Variants in IP6K1 observed in about 807,000 individuals in gnomAD.
IP6K1 encodes inositol hexakisphosphate kinase 1.
In IP6K1, 13 loss-of-function variants were observed where a neutral mutation model predicts 38.3. That is an observed-to-expected ratio of 0.34 (90% CI 0.22 to 0.54). The LOEUF (loss-of-function observed/expected upper bound fraction) is 0.54. IP6K1 is among the 20% of genes least tolerant of loss of function. The pLI is 0.92. For synonymous variants in IP6K1, 212 were observed against 229.9 expected (o/e 0.92, Z 0.70); for missense variants, 397 against 599.8 (o/e 0.66, Z 3.53).
chr3:49,724,502 G>A lies in IP6K1; in HGVS notation c.*2620C>T, dbSNP rs2080478241. 1 of 152,302 alleles carries A rather than the reference G, an allele frequency of 6.6e-6. No individual in the cohort carries two copies. The highest frequency in any genetic ancestry group is 1.5e-5 in the Non-Finnish European group (1 of 68,072). The allele number at this position is 152,302 out of a possible 1,614,324, so 9.4% of individuals were successfully genotyped here. On this transcript the variant is annotated 3_prime_UTR_variant, in exon 6 of 6. Coordinates refer to ENST00000321599, the MANE Select transcript of IP6K1 (RefSeq NM_153273.4). ...AGCTTCCAGGAAAGAGCAGCAGAGA[G>A]CGATTCCCAGAACGCGAGGGCTTAC...
intron 1 of IP6K1, chr3:49,785,391 A>C (rs1237944986): frequency 6.6e-6 from 1 of 152,162 alleles, no homozygotes; most frequent in Non-Finnish European, 1.5e-5. Context: ...CTGTAGTCCT[A>C]CCTACTCGGG....
intron 2 of IP6K1, among the ~76,000 whole-genome samples, chr3:49,747,353 A>T (rs2080729594): frequency 6.6e-6 from 1 of 152,192 alleles, no homozygotes; most frequent in African/African-American, 2.4e-5. Flanking sequence ...TTTTCCTTCA[A>T]ATATCAGGAC....
chr3:49,727,265 C>T lies in IP6K1; in HGVS notation c.1183G>A (p.Val395Ile). ...CTGTGTGCAAAGTCAATCATGCGGA[C>T]ATCCACCTTGGGCTGAGAGGAGGGA... ...AGPSSQPKVD[V>I]RMIDFAHSTF... is the part of the protein sequence containing the mutation. The change falls in exon 6 of 6, where the codon GTC becomes ATC. Residue 395 changes from valine (V) to isoleucine (I), a missense_variant. Val to Ile is a conservative substitution (Grantham distance 29, BLOSUM62 3). Around this residue, in one of 3 missense-constraint regions of IP6K1, gnomAD observed 164 missense variants for 213.5 expected, o/e 0.77. Transcript: ENST00000321599. The surrounding 1 kb of genome is among the most constrained non-coding windows in gnomAD (Gnocchi z 5.9). 6.2e-7 allele frequency: 1 copy of T among 1,614,170 alleles called. No homozygotes were observed. The highest frequency in any genetic ancestry group is 8.5e-7 in the Non-Finnish European group (1 of 1,180,040).
intron 4 of IP6K1, among the ~76,000 whole-genome samples, chr3:49,731,494 T>C (rs62262721): frequency 0.02 from 3,046 of 152,282 alleles, 48 homozygotes; most frequent in Non-Finnish European, 0.033. Context: ...CTCAACACCC[T>C]GGAAGCATGG....
At chr3:49,732,022 G>A (rs551663589) in intron 4 of IP6K1, among the ~76,000 whole-genome samples, 7 of 151,910 alleles carry the variant, frequency 4.6e-5, no homozygotes, top group Middle Eastern at 3.4e-3. Flanking sequence ...CTGCAGTCTC[G>A]ACTTCCTGGG....
At chr3:49,767,729 G>A (rs2080923857) in intron 1 of IP6K1, among the ~76,000 whole-genome samples, 1 of 152,064 alleles carries the variant, frequency 6.6e-6, no homozygotes, top group Admixed American at 6.6e-5. Flanking sequence ...AATATAGTGA[G>A]ATCCCATCTC....
chr3:49,750,687 G>A (rs1183407588), intron 1 of IP6K1, among the ~76,000 whole-genome samples: 4 of 151,800 alleles, frequency 2.6e-5, no homozygotes, highest in Admixed American at 6.6e-5. Context: ...GCGACAGAGC[G>A]GGACTCCTCA....
chr3:49,734,586 C>G (rs868671133), intron 3 of IP6K1, among the ~76,000 whole-genome samples: 13 of 151,570 alleles, frequency 8.6e-5, no homozygotes, highest in Non-Finnish European at 2.9e-5. Flanking sequence ...CTGTGCAACA[C>G]TGGTGAAGAG....
intron 3 of IP6K1, among the ~76,000 whole-genome samples, chr3:49,737,047 C>T (rs998495381): frequency 2.0e-5 from 3 of 147,838 alleles, no homozygotes; most frequent in Admixed American, 6.8e-5. Flanking sequence ...GCTGGGATTA[C>T]AGGCATGAGC....
At chr3:49,778,500 G>A (rs979041729) in intron 1 of IP6K1, among the ~76,000 whole-genome samples, 1 of 151,788 alleles carries the variant, frequency 6.6e-6, no homozygotes, top group African/African-American at 2.4e-5. Flanking sequence ...GGGCATGGTG[G>A]TAGGTGCCTG....
intron 1 of IP6K1, among the ~76,000 whole-genome samples, chr3:49,770,730 C>T (rs758504714): frequency 1.1e-3 from 168 of 152,146 alleles, no homozygotes; most frequent in Non-Finnish European, 1.8e-3. Context: ...GCAAGGTGTC[C>T]TCAGACACTC....
At chr3:49,755,205 G>A (rs890948475) in intron 1 of IP6K1, among the ~76,000 whole-genome samples, 7 of 150,122 alleles carry the variant, frequency 4.7e-5, no homozygotes, top group African/African-American at 1.7e-4. Context: ...CCAAAGTGCT[G>A]GGATTACAAG....
chr3:49,730,225 CAG>C (rs1403353095), intron 4 of IP6K1, among the ~76,000 whole-genome samples: 1 of 152,118 alleles, frequency 6.6e-6, no homozygotes, highest in Non-Finnish European at 1.5e-5. Context: ...TTTTTAGAGA[CAG>C]GGTCTCACTA....
chr3:49,763,578 G>A (rs755844740), intron 1 of IP6K1, among the ~76,000 whole-genome samples: 1 of 152,130 alleles, frequency 6.6e-6, no homozygotes, highest in Non-Finnish European at 1.5e-5. Flanking sequence ...AGTGGGAAAT[G>A]CAAGGTTGAT....
At chr3:49,752,756 CTTTT>C (rs769412230) in intron 1 of IP6K1, among the ~76,000 whole-genome samples, 1 of 136,586 alleles carries the variant, frequency 7.3e-6, no homozygotes. Context: ...TGCGCCTAGC[CTTTT>C]TTTTTTTTTT....
At chr3:49,780,070 C>T (rs2081051656) in intron 1 of IP6K1, among the ~76,000 whole-genome samples, 1 of 152,042 alleles carries the variant, frequency 6.6e-6, no homozygotes, top group Non-Finnish European at 1.5e-5. Flanking sequence ...CAGTCCTAGA[C>T]CTGCTCCCCT....
intron 1 of IP6K1, among the ~76,000 whole-genome samples, chr3:49,783,035 A>T (rs1253173867): frequency 6.6e-6 from 1 of 150,624 alleles, no homozygotes; most frequent in Admixed American, 6.7e-5. Flanking sequence ...CAGGAGTATC[A>T]CTTGAACCCA....
chr3:49,752,332 A>G (rs1357961246), intron 1 of IP6K1, among the ~76,000 whole-genome samples: 3 of 151,918 alleles, frequency 2.0e-5, no homozygotes, highest in African/African-American at 7.3e-5. Context: ...CTAAAAATAC[A>G]AAAAAATTAG....
At chr3:49,748,323 T>C (rs2080741592) in intron 1 of IP6K1, among the ~76,000 whole-genome samples, 155 bp from the exon 2 acceptor site, 6 of 152,176 alleles carry the variant, frequency 3.9e-5, no homozygotes. Flanking sequence ...AGGCAGTTGG[T>C]TAAATTTTTG....
Sources: allele counts gnomAD v4.1 joint callset (sites outside exome capture counted in the v4.1 genomes callset), GRCh38; gene constraint gnomAD v4.1.1; regional missense constraint gnomAD v4.1.1; non-coding constraint Gnocchi (gnomAD v3.1); transcripts MANE v1.5; gene names NCBI Gene and HGNC (gene_info 2026-07-23, HGNC 2026-07-21).